RBMS1: variants seen among roughly 807,000 people sequenced by gnomAD.
RBMS1 encodes RNA binding motif single stranded interacting protein 1, also known as RNA-binding motif, single-stranded-interacting protein 1.
A neutral mutation model predicts 62.3 loss-of-function variants in RBMS1; 17 were observed. The ratio of observed to expected loss-of-function variants is 0.27; its 90% CI spans 0.19 to 0.41. The LOEUF (loss-of-function observed/expected upper bound fraction) is 0.41, where lower values mean the gene tolerates loss of function less well. RBMS1 is among the 10% of genes least tolerant of loss of function. RBMS1 has a pLI of 1.00. For synonymous variants in RBMS1, 172 were observed against 170.0 expected (o/e 1.01, Z -0.09); for missense variants, 334 against 504.5 (o/e 0.66, Z 3.24).
chr2:160,459,907 C>T (rs532712049), intron 1 of RBMS1, among the ~76,000 whole-genome samples: 4 of 152,324 alleles, frequency 2.6e-5, no homozygotes, highest in Admixed American at 6.5e-5. Context: ...TTCCTCTAAA[C>T]ACCACTTAAC....
At chr2:160,300,148 A>T (rs1689134502) in intron 6 of RBMS1, among the ~76,000 whole-genome samples, 1 of 152,226 alleles carries the variant, frequency 6.6e-6, no homozygotes, top group African/African-American at 2.4e-5. Context: ...TTTGTATTTC[A>T]GATCAGGGTT....
rs1685940454 is a variant in RBMS1 at position 160,493,333 on chromosome 2, G to A, written c.31C>T (p.Pro11Ser). 6.2e-7 allele frequency: 1 copy of A among 1,613,478 alleles called. No homozygotes were observed. Among genetic ancestry groups the A allele is most frequent in the Non-Finnish European group, 8.5e-7 (1 of 1,179,586 alleles). Residue 11 changes from proline (P) to serine (S), a missense_variant, in exon 1 of 14, where the codon CCT becomes TCT. By Grantham distance (74) the Pro-to-Ser change is moderately conservative. This residue lies in a region of RBMS1 where 150 missense variants were observed against 228.0 expected (regional missense o/e 0.66). Coordinates refer to ENST00000348849, the MANE Select transcript of RBMS1 (RefSeq NM_016836.4). The stretch of plus-strand genomic sequence containing the variant: ...GGGTAATAGTAGGTGGCGTACTGAG[G>A]GTACATCTGCTGTTTCCACACTTTG... MGKVWKQQMY[P>S]QYATYYYPQY...
At chr2:160,383,468 T>A (rs1694398964) in intron 1 of RBMS1, among the ~76,000 whole-genome samples, 1 of 147,128 alleles carries the variant, frequency 6.8e-6, no homozygotes, top group South Asian at 2.2e-4. Flanking sequence ...GGGGGGGAAC[T>A]GACCCACTAC....
At chr2:160,409,895 T>C (rs962322729) in intron 1 of RBMS1, among the ~76,000 whole-genome samples, 3 of 152,158 alleles carry the variant, frequency 2.0e-5, no homozygotes, top group African/African-American at 7.2e-5. Context: ...AGAATTCTAA[T>C]ACTAAATACT....
At chr2:160,396,806 G>A (rs1388199107) in intron 1 of RBMS1, among the ~76,000 whole-genome samples, 2 of 151,856 alleles carry the variant, frequency 1.3e-5, no homozygotes, top group South Asian at 2.1e-4. Context: ...CTCGTAATCC[G>A]CCCACCTCGG....
intron 1 of RBMS1, among the ~76,000 whole-genome samples, chr2:160,439,868 C>T (rs1311371049): frequency 6.6e-6 from 1 of 152,148 alleles, no homozygotes; most frequent in African/African-American, 2.4e-5. Flanking sequence ...GCCCGGCCAA[C>T]ACAGCGAAAC....
chr2:160,457,072 CATTTT>C (rs1343217978), intron 1 of RBMS1, among the ~76,000 whole-genome samples: 2 of 151,518 alleles, frequency 1.3e-5, no homozygotes, highest in Non-Finnish European at 2.9e-5. Context: ...GTAGTATCCT[CATTTT>C]ATTTTATTTA....
At chr2:160,334,876 C>T (rs780533274) in intron 2 of RBMS1, among the ~76,000 whole-genome samples, 5 of 151,256 alleles carry the variant, frequency 3.3e-5, no homozygotes, top group African/African-American at 4.9e-5. Flanking sequence ...CAACCCAAAA[C>T]GGTAGTTTTT....
chr2:160,285,089 T>A, intron 7 of RBMS1, 45 bp from the exon 8 acceptor site: 1 of 1,577,164 alleles, frequency 6.3e-7, no homozygotes, highest in Non-Finnish European at 8.7e-7. Flanking sequence ...TAGAAAGGCA[T>A]GATTTAAAAA....
At chr2:160,426,591 A>C (rs920701266) in intron 1 of RBMS1, among the ~76,000 whole-genome samples, 3 of 152,224 alleles carry the variant, frequency 2.0e-5, no homozygotes, top group African/African-American at 4.8e-5. Flanking sequence ...TAAAAAGTGG[A>C]TATAGATGTT....
intron 1 of RBMS1, among the ~76,000 whole-genome samples, chr2:160,449,222 G>A (rs557355865): frequency 1.1e-4 from 17 of 150,484 alleles, no homozygotes; most frequent in Non-Finnish European, 2.5e-4. Flanking sequence ...CCCCCGCCAG[G>A]CCAGCCGCCC....
chr2:160,463,949 A>G (rs561488404), intron 1 of RBMS1, among the ~76,000 whole-genome samples: 1 of 152,320 alleles, frequency 6.6e-6, no homozygotes, highest in East Asian at 1.9e-4. Flanking sequence ...ATTTTGTGAA[A>G]TTAAATGCAG....
In RBMS1 at chr2:160,353,649, A is replaced by T. The variant is rs1692641604; in HGVS notation, c.251+13567T>A. Reference sequence around the variant, plus strand: ...GTGTAACATTCACTTGTGAAAAGTAAAGTGGCAAATCAAGAAGAGTGGATA... The same window carrying T: ...GTGTAACATTCACTTGTGAAAAGTATAGTGGCAAATCAAGAAGAGTGGATA... On this transcript the variant is annotated intron_variant, in intron 2 of 13. Coordinates refer to ENST00000348849, the MANE Select transcript of RBMS1 (RefSeq NM_016836.4). Among the ~76,000 whole-genome samples, 4 of 152,116 alleles carry T rather than the reference A, an allele frequency of 2.6e-5. No individual in the cohort carries two copies. The South Asian group carries it at 8.3e-4, about 32-fold the overall frequency.
rs546256645 is a variant in RBMS1 at position 160,288,726 on chromosome 2, T to A, written c.641-1642A>T. Among the ~76,000 whole-genome samples the A allele has an allele frequency of 6.2e-4, 95 of 152,326 alleles. 1 individual carries two copies. The highest frequency in any genetic ancestry group is 2.3e-3 in the South Asian group (11 of 4,822). On this transcript the variant is annotated intron_variant, in intron 6 of 13. Coordinates refer to ENST00000348849, the MANE Select transcript of RBMS1 (RefSeq NM_016836.4). ...TAATCTCGTAGAGCAAGAGAGAAGA[T>A]AATAAATTTGGTGGTGCTGGTACAT...
chr2:160,347,076 T>C (rs974516733), intron 2 of RBMS1, among the ~76,000 whole-genome samples: 1 of 152,042 alleles, frequency 6.6e-6, no homozygotes, highest in Non-Finnish European at 1.5e-5. Context: ...TTAAATCATG[T>C]AAGAAATGAA....
At chr2:160,398,805 G>T (rs1339333461) in intron 1 of RBMS1, among the ~76,000 whole-genome samples, 1 of 152,112 alleles carries the variant, frequency 6.6e-6, no homozygotes, top group Non-Finnish European at 1.5e-5. Flanking sequence ...TTTACGACTA[G>T]AAGCCTACGA....
chr2:160,481,530 G>T (rs895421783), intron 1 of RBMS1, among the ~76,000 whole-genome samples: 12 of 152,064 alleles, frequency 7.9e-5, no homozygotes, highest in African/African-American at 2.9e-4. Context: ...ATTAAGGGAA[G>T]ATATTTTCAT....
chr2:160,280,923 C>G (rs1327043048), intron 10 of RBMS1, among the ~76,000 whole-genome samples: 1 of 152,034 alleles, frequency 6.6e-6, no homozygotes. Context: ...ATAGAAAGGC[C>G]AAGTAACACT....
At chr2:160,449,093 C>T (rs907006680) in intron 1 of RBMS1, among the ~76,000 whole-genome samples, 13 of 151,846 alleles carry the variant, frequency 8.6e-5, no homozygotes, top group Non-Finnish European at 1.9e-4. Flanking sequence ...AGCCCCTCCG[C>T]CCGGCAGCCG....
Sources: allele counts gnomAD v4.1 joint callset (sites outside exome capture counted in the v4.1 genomes callset), GRCh38; gene constraint gnomAD v4.1.1; regional missense constraint gnomAD v4.1.1; transcripts MANE v1.5; gene names NCBI Gene and HGNC (gene_info 2026-07-23, HGNC 2026-07-21).